CEP85L: variants seen among roughly 807,000 people sequenced by gnomAD.
CEP85L encodes centrosomal protein of 85 kDa-like.
In CEP85L, 60 loss-of-function variants were observed where a neutral mutation model predicts 100.3. The observed-to-expected ratio is 0.60, with a 90% CI of 0.49 to 0.74. The LOEUF (loss-of-function observed/expected upper bound fraction) is 0.74, where lower values mean the gene tolerates loss of function less well. CEP85L is among the 30% of genes least tolerant of loss of function. CEP85L has a pLI of 0.00. For synonymous variants in CEP85L, 319 were observed against 322.7 expected (o/e 0.99, Z 0.12); for missense variants, 973 against 936.2 (o/e 1.04, Z -0.51).
intron 2 of CEP85L, among the ~76,000 whole-genome samples, chr6:118,586,293 A>G (rs1780856605): frequency 6.6e-6 from 1 of 152,218 alleles, no homozygotes; most frequent in African/African-American, 2.4e-5. Flanking sequence ...CTGTATGGAC[A>G]CACTTTCCTT....
chr6:118,700,123 C>T (rs1422791565), intron 1 of CEP85L, among the ~76,000 whole-genome samples: 2 of 152,160 alleles, frequency 1.3e-5, no homozygotes, highest in Non-Finnish European at 2.9e-5. Context: ...TCTCTTTTTA[C>T]CCCAGCACAT....
chr6:118,522,064 A>G (rs1776701060), intron 4 of CEP85L, among the ~76,000 whole-genome samples: 1 of 152,154 alleles, frequency 6.6e-6, no homozygotes, highest in African/African-American at 2.4e-5. Flanking sequence ...CCATTTTTTA[A>G]AAGTATTAAT....
chr6:118,489,113 C>A (rs926292730), intron 6 of CEP85L, among the ~76,000 whole-genome samples: 1 of 151,626 alleles, frequency 6.6e-6, no homozygotes, highest in Admixed American at 6.6e-5. Context: ...ACTAAAAATA[C>A]AAAATTAGCT....
At chr6:118,663,316 A>G (rs1462848183) in intron 1 of CEP85L, among the ~76,000 whole-genome samples, 1 of 152,242 alleles carries the variant, frequency 6.6e-6, no homozygotes, top group African/African-American at 2.4e-5. Flanking sequence ...ACACTGGAAA[A>G]ACTGTATGCA....
At chr6:118,517,305 T>C (rs558124259) in intron 4 of CEP85L, among the ~76,000 whole-genome samples, 3 of 152,234 alleles carry the variant, frequency 2.0e-5, no homozygotes, top group Non-Finnish European at 4.4e-5. Context: ...TTGATGGGGA[T>C]AGTATTGAAT....
chr6:118,626,670 G>A (rs190643235), intron 2 of CEP85L, among the ~76,000 whole-genome samples: 10 of 152,252 alleles, frequency 6.6e-5, no homozygotes, highest in African/African-American at 2.2e-4. Context: ...CACTGTAGAA[G>A]CTTTGTACTT....
chr6:118,480,646 G>A (rs1403582521), intron 8 of CEP85L, 133 bp from the exon 9 acceptor site: 3 of 580,076 alleles, frequency 5.2e-6, no homozygotes, highest in East Asian at 2.9e-5. Context: ...CCCACAGACA[G>A]TATATGAAAA....
At chr6:118,515,105 G>A (rs907930594) in intron 4 of CEP85L, among the ~76,000 whole-genome samples, 1 of 151,802 alleles carries the variant, frequency 6.6e-6, no homozygotes, top group Non-Finnish European at 1.5e-5. Context: ...CAACTTGCCA[G>A]GCCAAAACAG....
intron 10 of CEP85L, among the ~76,000 whole-genome samples, chr6:118,474,807 T>C (rs925272022): frequency 2.6e-5 from 4 of 152,224 alleles, no homozygotes; most frequent in Non-Finnish European, 5.9e-5. Flanking sequence ...CTTAGAGCAC[T>C]CAAAAACATT....
At chr6:118,649,714 A>C (rs191253075) in intron 1 of CEP85L, among the ~76,000 whole-genome samples, 11 of 145,282 alleles carry the variant, frequency 7.6e-5, no homozygotes, top group Admixed American at 2.1e-4. Context: ...CTGTCTCCTT[A>C]GGACAAATAA....
intron 5 of CEP85L, among the ~76,000 whole-genome samples, chr6:118,499,262 A>G (rs900758289): frequency 1.2e-4 from 18 of 152,246 alleles, no homozygotes; most frequent in Non-Finnish European, 2.2e-4. Flanking sequence ...TAAAAGTTCA[A>G]TGTTTGAAAA....
intron 3 of CEP85L, among the ~76,000 whole-genome samples, chr6:118,563,216 C>T (rs950545202): frequency 6.6e-6 from 1 of 152,176 alleles, no homozygotes; most frequent in Non-Finnish European, 1.5e-5. Flanking sequence ...CAGAGTACTA[C>T]ACTCCTGCAC....
In CEP85L at chr6:118,593,372, A is replaced by T. The variant is rs1388723461; in HGVS notation, c.233-27056T>A. ...CCTGAAAAAGAATTTAAAAAAAAAA[A>T]AAGAAAAGAAAAGAAATATCGAGCC... On this transcript the variant is annotated intron_variant, in intron 2 of 12. Transcript: ENST00000368491. 2.0e-5 allele frequency among the ~76,000 whole-genome samples: 3 copies of T among 151,952 alleles called. No individual in the cohort carries two copies. In the East Asian group the frequency reaches 5.8e-4, roughly 29 times the overall value.
chr6:118,476,582 A>G (rs939976516), intron 10 of CEP85L, among the ~76,000 whole-genome samples: 33 of 152,174 alleles, frequency 2.2e-4, no homozygotes, highest in Admixed American at 2.0e-3. Flanking sequence ...CTTATGATCC[A>G]TTTTCCCACT....
intron 1 of CEP85L, chr6:118,664,505 G>C (rs985127023): frequency 1.3e-5 from 2 of 152,468 alleles, no homozygotes; most frequent in African/African-American, 4.8e-5. Flanking sequence ...TCAGTAATTT[G>C]TAGAGCCGGG....
chr6:118,678,442 G>A (rs187769150), intron 1 of CEP85L, among the ~76,000 whole-genome samples: 4 of 152,286 alleles, frequency 2.6e-5, no homozygotes, highest in East Asian at 3.9e-4. Context: ...GATCTCAGCA[G>A]CACATCAGAA....
chr6:118,649,119 T>C (rs1239892260), intron 1 of CEP85L, among the ~76,000 whole-genome samples: 2 of 152,274 alleles, frequency 1.3e-5, no homozygotes, highest in East Asian at 1.9e-4. Context: ...TCATCTAAGG[T>C]AGAACTTTTT....
chr6:118,600,660 A>G (rs1167550561), intron 2 of CEP85L, among the ~76,000 whole-genome samples: 2 of 151,810 alleles, frequency 1.3e-5, no homozygotes, highest in Non-Finnish European at 2.9e-5. Flanking sequence ...CAGTCAAGCT[A>G]CCAACCTGGT....
At chr6:118,648,070 A>T (rs528480743) in intron 1 of CEP85L, among the ~76,000 whole-genome samples, 3 of 152,150 alleles carry the variant, frequency 2.0e-5, no homozygotes, top group South Asian at 2.1e-4. Flanking sequence ...CATGGCCAAC[A>T]TGGTGAGACC....
Sources: allele counts gnomAD v4.1 joint callset (sites outside exome capture counted in the v4.1 genomes callset), GRCh38; gene constraint gnomAD v4.1.1; transcripts MANE v1.5; gene names NCBI Gene and HGNC (gene_info 2026-07-23, HGNC 2026-07-21).